Variants in SCAMP5 observed in about 807,000 individuals in gnomAD.
SCAMP5 encodes the protein secretory carrier membrane protein 5.
A neutral mutation model predicts 28.3 loss-of-function variants in SCAMP5; 7 were observed. That is an observed-to-expected ratio of 0.25 (90% CI 0.14 to 0.46). The LOEUF (loss-of-function observed/expected upper bound fraction) is 0.46, where lower values mean the gene tolerates loss of function less well. SCAMP5 is among the 20% of genes least tolerant of loss of function. The pLI is 0.99. For synonymous variants in SCAMP5, 117 were observed against 116.4 expected, an observed-to-expected ratio of 1.00 and a Z score of -0.03; for missense variants, 192 against 312.5, an observed-to-expected ratio of 0.61 and a Z score of 2.91.
At chr15:75,017,696 C>T (rs1204890316) in intron 4 of SCAMP5, 174 bp from the exon 5 acceptor site, 7 of 632,894 alleles carry the variant, frequency 1.1e-5, no homozygotes, top group Non-Finnish European at 1.7e-5. Flanking sequence ...AGGTCTACCA[C>T]GTGGAAACTT....
chr15:74,999,183 C>G (rs936271168), intron 1 of SCAMP5, among the ~76,000 whole-genome samples: 1 of 152,226 alleles, frequency 6.6e-6, no homozygotes, highest in Non-Finnish European at 1.5e-5. Context: ...CACAGTCTAA[C>G]TAATGCTTTA....
At chr15:75,017,789 C>T (rs747090887) in intron 4 of SCAMP5, 81 bp from the exon 5 acceptor site, 2 of 888,846 alleles carry the variant, frequency 2.3e-6, no homozygotes, top group East Asian at 4.8e-5. Context: ...TGCACTTAAA[C>T]TTGGAAGGGC....
At chr15:75,017,819 G>A (rs775693236) in intron 4 of SCAMP5, 51 bp from the exon 5 acceptor site, 4 of 1,200,234 alleles carry the variant, frequency 3.3e-6, no homozygotes, top group East Asian at 2.3e-5. Flanking sequence ...TTGAAGGCAG[G>A]GAAGCCCTGG....
chr15:75,020,625 CTGG>C lies in SCAMP5; in HGVS notation c.*1644_*1646del. On this transcript the variant is annotated 3_prime_UTR_variant, in exon 7 of 7. Transcript: ENST00000425597. ...TGTTCCAAGCAGTGTGAGAACATGG[CTGG>C]TAGAGGCTCTAGCTGTGTGCGGGGC... 1 of 152,362 alleles carries C rather than the reference CTGG, an allele frequency of 6.6e-6. No homozygotes were observed. The highest frequency in any genetic ancestry group is 2.1e-4 in the South Asian group (1 of 4,826). The allele number at this position is 152,362 out of a possible 1,614,324, so 9.4% of individuals were successfully genotyped here.
At chr15:75,012,551 T>TG in intron 2 of SCAMP5, 126 bp from the exon 3 acceptor site, 1 of 1,106,910 alleles carries the variant, frequency 9.0e-7, no homozygotes. Context: ...GACGGCTGGG[T>TG]GGGGAAAGCA....
intron 1 of SCAMP5, among the ~76,000 whole-genome samples, chr15:75,007,327 G>A (rs1312085945): frequency 6.6e-6 from 1 of 152,160 alleles, no homozygotes; most frequent in Non-Finnish European, 1.5e-5. Flanking sequence ...CAAAGCTTTA[G>A]AGTCGTCACA....
rs577186863 is a variant in SCAMP5, at chr15:75,001,031, C to T, written c.-49+5358C>T. Among the ~76,000 whole-genome samples the T allele has an allele frequency of 7.8e-4, 118 of 151,762 alleles. 1 individual carries two copies. Among genetic ancestry groups the T allele is most frequent in the African/African-American group, 2.6e-3 (109 of 41,420 alleles). Reference sequence around the variant, plus strand: ...ATCCCAGCACTTTGGGAGGCTGAGGCGGGCGGATCACGAGGTCAGGAGATC... The same window carrying T: ...ATCCCAGCACTTTGGGAGGCTGAGGTGGGCGGATCACGAGGTCAGGAGATC... On this transcript the variant is annotated intron_variant, in intron 1 of 6. Coordinates refer to ENST00000425597, the MANE Select transcript of SCAMP5 (RefSeq NM_138967.4).
intron 2 of SCAMP5, among the ~76,000 whole-genome samples, chr15:75,012,179 A>T (rs544957539): frequency 6.6e-6 from 1 of 151,968 alleles, no homozygotes; most frequent in South Asian, 2.1e-4. Context: ...GGCCTTTTTT[A>T]TCTGGTTCAG....
rs1326563029 is a variant in SCAMP5 at position 75,019,124 on chromosome 15, T to C, written c.*141T>C. 1.2e-5 allele frequency: 6 copies of C among 497,766 alleles called. No homozygotes were observed. Among genetic ancestry groups the C allele is most frequent in the Non-Finnish European group, 2.1e-5 (6 of 285,522 alleles). 30.8% of individuals were successfully genotyped at this position (497,766 alleles called of 1,614,324 possible). On this transcript the variant is annotated 3_prime_UTR_variant, in exon 7 of 7. Coordinates refer to ENST00000425597, the MANE Select transcript of SCAMP5 (RefSeq NM_138967.4). ...TTGTACAAAGGACCAGAGTTATATATATATATATATGTATATGTCTGTACC... is the reference window on the plus strand; with the variant it reads ...TTGTACAAAGGACCAGAGTTATATACATATATATATGTATATGTCTGTACC...
chr15:75,016,261 C>G (rs1388982419), intron 3 of SCAMP5, among the ~76,000 whole-genome samples: 1 of 152,046 alleles, frequency 6.6e-6, no homozygotes, highest in Non-Finnish European at 1.5e-5. Flanking sequence ...GCTGTGCTCT[C>G]CAGATTTCTC....
chr15:75,001,741 G>A (rs1208419759), intron 1 of SCAMP5, among the ~76,000 whole-genome samples: 6 of 151,820 alleles, frequency 4.0e-5, no homozygotes, highest in African/African-American at 9.7e-5. Flanking sequence ...GCGATGGCAC[G>A]TGCCTGTAAT....
intron 4 of SCAMP5, 74 bp downstream of exon 4, chr15:75,016,823 T>A: frequency 7.9e-7 from 1 of 1,258,714 alleles, no homozygotes; most frequent in Non-Finnish European, 1.1e-6. Flanking sequence ...ATATCTTTTC[T>A]CACTTCTTTT....
At chr15:75,007,204 A>G (rs1381373631) in intron 1 of SCAMP5, among the ~76,000 whole-genome samples, 1 of 152,186 alleles carries the variant, frequency 6.6e-6, no homozygotes, top group African/African-American at 2.4e-5. Flanking sequence ...ATCCAACACC[A>G]CAAGGCTCTT....
intron 1 of SCAMP5, among the ~76,000 whole-genome samples, chr15:74,999,490 G>T (rs867173424): frequency 6.6e-6 from 1 of 152,154 alleles, no homozygotes; most frequent in Admixed American, 6.6e-5. Flanking sequence ...GGGTGTGTGT[G>T]GGGGAGGTGG....
rs755022570 is a variant in SCAMP5, at chr15:75,016,705, C to A, written c.249C>A (p.Pro83=). 1 of 1,613,976 alleles carries A rather than the reference C, an allele frequency of 6.2e-7. No homozygotes were observed. Among genetic ancestry groups the A allele is most frequent in the South Asian group, 1.1e-5 (1 of 91,082 alleles). ...LAFLWLILFT[P]CSYVCWFRPI... ...TTCTCTGGCTCATCCTCTTCACACC[C>A]TGCTCCTACGTCTGCTGGTTTCGGC... The change falls in exon 4 of 7, where the codon CCC becomes CCA. Residue 83 remains proline, a synonymous_variant. Coordinates refer to ENST00000425597, the MANE Select transcript of SCAMP5 (RefSeq NM_138967.4).
chr15:75,012,093 T>C (rs1207880321), intron 2 of SCAMP5, among the ~76,000 whole-genome samples: 2 of 152,268 alleles, frequency 1.3e-5, no homozygotes, highest in South Asian at 4.1e-4. Flanking sequence ...CTTGTCTTAC[T>C]GTCCATCTGC....
chr15:75,000,186 C>T (rs1440380183), intron 1 of SCAMP5, among the ~76,000 whole-genome samples: 1 of 151,882 alleles, frequency 6.6e-6, no homozygotes, highest in Non-Finnish European at 1.5e-5. Context: ...AGCTAAAAAG[C>T]AACATATTAA....
intron 1 of SCAMP5, among the ~76,000 whole-genome samples, chr15:75,001,397 A>G (rs1398129228): frequency 2.0e-5 from 3 of 151,794 alleles, no homozygotes; most frequent in Non-Finnish European, 4.4e-5. Flanking sequence ...CAGAGTGCTC[A>G]GGCTGTGTCA....
chr15:75,004,682 A>G (rs1255779394), intron 1 of SCAMP5, among the ~76,000 whole-genome samples: 1 of 151,752 alleles, frequency 6.6e-6, no homozygotes, highest in Non-Finnish European at 1.5e-5. Context: ...GTGAGCTGTG[A>G]TTGTGCTGCT....
Sources: gnomAD v4.1 joint callset for allele counts (sites outside exome capture counted in the v4.1 genomes callset) on GRCh38, gnomAD v4.1.1 for gene constraint, MANE v1.5 for transcripts, NCBI Gene and HGNC (gene_info 2026-07-23, HGNC 2026-07-21) for gene names.